Variants in PTPRD observed in about 807,000 individuals in gnomAD.
The protein encoded by PTPRD is protein tyrosine phosphatase receptor type D, also known as receptor-type tyrosine-protein phosphatase delta.
PTPRD carries 34 observed loss-of-function variants against 214.5 expected under a neutral mutation model. That is an observed-to-expected ratio of 0.16 (90% CI 0.12 to 0.21). PTPRD has a LOEUF of 0.21. PTPRD is among the 10% of genes least tolerant of loss of function. The probability of loss-of-function intolerance (pLI) is 1.00; values close to 1 mark genes in which losing one functional copy is unlikely to be tolerated. For missense variants in PTPRD, 2,545 were observed against 2,398.7 expected, an observed-to-expected ratio of 1.06 and a Z score of -1.27; for synonymous variants, 1,128 against 845.7, an observed-to-expected ratio of 1.33 and a Z score of -5.79.
At chr9:9,388,328 T>A (rs1470687616) in intron 9 of PTPRD, among the ~76,000 whole-genome samples, 1 of 152,078 alleles carries the variant, frequency 6.6e-6, no homozygotes, top group African/African-American at 2.4e-5. Context: ...ACTAGGTCTG[T>A]GGGGATGGAG....
At chr9:9,378,658 C>T (rs555193283) in intron 9 of PTPRD, among the ~76,000 whole-genome samples, 38 of 152,192 alleles carry the variant, frequency 2.5e-4, no homozygotes, top group African/African-American at 8.9e-4. Flanking sequence ...CCTCTTGTCC[C>T]ATATCCTAGC....
intron 11 of PTPRD, among the ~76,000 whole-genome samples, chr9:8,996,272 G>A (rs1425747409): frequency 2.0e-5 from 3 of 152,018 alleles, no homozygotes; most frequent in Non-Finnish European, 4.4e-5. Context: ...TACCTGGAAT[G>A]CTTTTCAGTT....
chr9:8,346,633 G>T (rs1857909990), intron 39 of PTPRD, among the ~76,000 whole-genome samples: 1 of 152,052 alleles, frequency 6.6e-6, no homozygotes. Flanking sequence ...AGCCATCTCG[G>T]TTATCCGATG....
intron 2 of PTPRD, among the ~76,000 whole-genome samples, chr9:10,578,562 G>A (rs1028954280): frequency 1.3e-5 from 2 of 152,070 alleles, no homozygotes; most frequent in African/African-American, 2.4e-5. Context: ...TGCTATATGA[G>A]TCATTTATAT....
At chr9:9,117,220 GT>G (rs77848911) in intron 10 of PTPRD, among the ~76,000 whole-genome samples, 3,268 of 134,198 alleles carry the variant, frequency 0.024, 38 homozygotes, top group Middle Eastern at 0.072. Context: ...AGGAAATTAA[GT>G]TTTTTTTTTT....
chr9:10,394,143 G>T (rs1199803519), intron 2 of PTPRD, among the ~76,000 whole-genome samples: 2 of 138,596 alleles, frequency 1.4e-5, no homozygotes, highest in African/African-American at 5.3e-5. Flanking sequence ...TTTATATAAA[G>T]ATATCTATAT....
At chr9:10,388,480 CAAA>C (rs5896391) in intron 2 of PTPRD, among the ~76,000 whole-genome samples, 2,664 of 134,734 alleles carry the variant, frequency 0.02, 64 homozygotes, top group African/African-American at 0.062. Context: ...GGATAATTAG[CAAA>C]AAAAAAAAAA....
chr9:8,810,126 T>G (rs762358791), intron 11 of PTPRD, among the ~76,000 whole-genome samples: 4 of 152,216 alleles, frequency 2.6e-5, no homozygotes, highest in Non-Finnish European at 5.9e-5. Flanking sequence ...AACAATCCAA[T>G]TAATCAAGGT....
intron 11 of PTPRD, among the ~76,000 whole-genome samples, chr9:8,969,804 A>T (rs1159229767): frequency 6.6e-6 from 1 of 151,964 alleles, no homozygotes; most frequent in African/African-American, 2.4e-5. Flanking sequence ...AGTATAAAAA[A>T]GTAATAAGAA....
chr9:8,471,285 G>C (rs2096647927), intron 30 of PTPRD, among the ~76,000 whole-genome samples, 200 bp from the exon 31 acceptor site: 1 of 152,022 alleles, frequency 6.6e-6, no homozygotes, highest in Admixed American at 6.6e-5. Context: ...ATGTGTGATT[G>C]CAGTGATCTT....
At chr9:9,671,699 G>A (rs2096835651) in intron 7 of PTPRD, among the ~76,000 whole-genome samples, 1 of 152,050 alleles carries the variant, frequency 6.6e-6, no homozygotes, top group African/African-American at 2.4e-5. Flanking sequence ...TTTCATAAGG[G>A]GTTTGCACTT....
intron 27 of PTPRD, among the ~76,000 whole-genome samples, chr9:8,490,998 C>T (rs903084458): frequency 7.2e-5 from 11 of 152,168 alleles, no homozygotes; most frequent in Admixed American, 5.9e-4. Flanking sequence ...ATTTTTAATA[C>T]AGTAGACAAA....
intron 3 of PTPRD, among the ~76,000 whole-genome samples, chr9:10,039,361 T>C (rs1284501853): frequency 6.6e-6 from 1 of 152,052 alleles, no homozygotes; most frequent in African/African-American, 2.4e-5. Context: ...ATTATTTGAA[T>C]GCTATGTCAA....
intron 7 of PTPRD, among the ~76,000 whole-genome samples, chr9:9,596,505 T>C (rs1230447064): frequency 1.3e-5 from 2 of 152,132 alleles, no homozygotes; most frequent in East Asian, 1.9e-4. Context: ...CACAGAAATA[T>C]TTTTAATCCA....
chr9:8,372,371 G>A (rs1351641095), intron 39 of PTPRD, among the ~76,000 whole-genome samples: 1 of 151,936 alleles, frequency 6.6e-6, no homozygotes, highest in South Asian at 2.1e-4. Context: ...ACTTCTATAT[G>A]CCATGCACTG....
rs140530530 is a variant in PTPRD, at chr9:8,831,690, G to A, written c.-103-97744C>T. 1.8e-4 allele frequency among the ~76,000 whole-genome samples: 27 copies of A among 152,204 alleles called. No individual in the cohort carries two copies. In the East Asian group the frequency reaches 4.8e-3, roughly 27 times the overall value. On this transcript the variant is annotated intron_variant, in intron 11 of 45. Transcript: ENST00000381196. The stretch of plus-strand genomic sequence containing the variant: ...TTAAAAAAGAACTCACATACAATCT[G>A]TCTCTTTCAGCCACAGTTAGAATGA...
chr9:9,651,826 G>GTTTTTTTTTT (rs869105633), intron 7 of PTPRD, among the ~76,000 whole-genome samples: 5 of 55,064 alleles, frequency 9.1e-5, no homozygotes, highest in Non-Finnish European at 1.7e-4. Flanking sequence ...TTCAAGGTTT[G>GTTTTTTTTTT]TTTTTTTTTT....
rs192361207 is a variant in PTPRD at position 9,895,277 on chromosome 9, A to G, written c.-368+43230T>C. Among the ~76,000 whole-genome samples, 150 of 149,454 alleles carry G rather than the reference A, an allele frequency of 1.0e-3. 2 individuals are homozygous for G. The highest frequency in any genetic ancestry group is 3.7e-3 in the African/African-American group (146 of 39,032). ...TAAGAGAAAAAAGGAACAGAAAATA[A>G]AATATAAAATACACCTTAGGTGGTA... On this transcript the variant is annotated intron_variant, in intron 5 of 45. Coordinates refer to ENST00000381196, the MANE Select transcript of PTPRD (RefSeq NM_002839.4).
chr9:9,469,608 G>C (rs1014958896), intron 8 of PTPRD, among the ~76,000 whole-genome samples: 13 of 152,128 alleles, frequency 8.5e-5, no homozygotes, highest in Non-Finnish European at 1.6e-4. Flanking sequence ...TTGAGTGCTG[G>C]CAACTAATTT....
Sources: gnomAD v4.1 joint callset for allele counts (sites outside exome capture counted in the v4.1 genomes callset) on GRCh38, gnomAD v4.1.1 for gene constraint, MANE v1.5 for transcripts, NCBI Gene and HGNC (gene_info 2026-07-23, HGNC 2026-07-21) for gene names.